The following TRAPPC9 variants were observed in gnomAD, a reference collection of about 807,000 sequenced individuals.
The protein encoded by TRAPPC9 is trafficking protein particle complex subunit 9, also known as IKK2 binding protein.
Under a neutral mutation model 124.0 loss-of-function variants are expected in TRAPPC9, and 83 were observed. That is an observed-to-expected ratio of 0.67 (90% CI 0.56 to 0.80). TRAPPC9 has a LOEUF of 0.80. TRAPPC9 is among the 30% of genes least tolerant of loss of function. The pLI is 0.00. For synonymous variants in TRAPPC9, 638 were observed against 617.5 expected, an observed-to-expected ratio of 1.03 and a Z score of -0.49; for missense variants, 1,302 against 1,508.3, an observed-to-expected ratio of 0.86 and a Z score of 2.27.
chr8:140,242,932 C>A (rs1172679908), intron 16 of TRAPPC9, among the ~76,000 whole-genome samples: 2 of 151,988 alleles, frequency 1.3e-5, no homozygotes, highest in African/African-American at 2.4e-5. Context: ...CGGAAAAGTA[C>A]AAGAAGGATG....
intron 9 of TRAPPC9, among the ~76,000 whole-genome samples, chr8:140,317,198 C>G (rs1355667761): frequency 2.0e-5 from 3 of 152,098 alleles, no homozygotes; most frequent in Non-Finnish European, 2.9e-5. Context: ...TTTCTCATCT[C>G]TATTTCATTT....
chr8:140,434,948 C>A (rs554118141), intron 4 of TRAPPC9, among the ~76,000 whole-genome samples, 164 bp downstream of exon 4: 1 of 148,034 alleles, frequency 6.8e-6, no homozygotes, highest in South Asian at 2.1e-4. Context: ...CCAGCCCGGG[C>A]AACAGTGCAA....
At chr8:139,878,006 A>C (rs1288201052) in intron 21 of TRAPPC9, among the ~76,000 whole-genome samples, 1 of 152,240 alleles carries the variant, frequency 6.6e-6, no homozygotes, top group African/African-American at 2.4e-5. Flanking sequence ...CCAAGATCCC[A>C]TAAAATATTA....
intron 21 of TRAPPC9, among the ~76,000 whole-genome samples, chr8:139,777,995 G>C (rs1239221773): frequency 6.6e-6 from 1 of 151,998 alleles, no homozygotes; most frequent in African/African-American, 2.4e-5. Flanking sequence ...GGGAAGGAAG[G>C]GAGAGAGAGA....
At chr8:139,841,002 A>C (rs540473755) in intron 21 of TRAPPC9, among the ~76,000 whole-genome samples, 151 of 152,234 alleles carry the variant, frequency 9.9e-4, no homozygotes, top group African/African-American at 3.2e-3. Flanking sequence ...AGCAAGACAA[A>C]TTCACTGTCT....
chr8:140,300,336 T>G (rs1429255322), intron 11 of TRAPPC9, 133 bp downstream of exon 11: 2 of 1,153,240 alleles, frequency 1.7e-6, no homozygotes, highest in Middle Eastern at 2.1e-4. Context: ...CACATATGCA[T>G]GCGTGCACAC....
At chr8:140,301,227 A>G (rs997484833) in intron 10 of TRAPPC9, among the ~76,000 whole-genome samples, 1 of 152,188 alleles carries the variant, frequency 6.6e-6, no homozygotes, top group Non-Finnish European at 1.5e-5. Context: ...TGTATCTGTC[A>G]TCGCTTCCCA....
intron 6 of TRAPPC9, among the ~76,000 whole-genome samples, chr8:140,399,075 T>C (rs1245568413): frequency 3.9e-5 from 6 of 152,182 alleles, no homozygotes; most frequent in Admixed American, 3.9e-4. Context: ...TTCCATGTGG[T>C]GTTGAGTGTG....
chr8:140,054,090 A>G (rs1367596498), intron 17 of TRAPPC9, among the ~76,000 whole-genome samples: 3 of 152,240 alleles, frequency 2.0e-5, no homozygotes, highest in Admixed American at 6.5e-5. Context: ...CAAATACTCT[A>G]TGTTTTCACT....
At chr8:140,053,389 G>A (rs1842111419) in intron 17 of TRAPPC9, among the ~76,000 whole-genome samples, 2 of 152,214 alleles carry the variant, frequency 1.3e-5, no homozygotes, top group Non-Finnish European at 2.9e-5. Context: ...TTGTACAACT[G>A]ATTTTTAGCT....
At chr8:139,928,999 C>T (rs1013821195) in intron 19 of TRAPPC9, among the ~76,000 whole-genome samples, 1 of 151,994 alleles carries the variant, frequency 6.6e-6, no homozygotes, top group Non-Finnish European at 1.5e-5. Context: ...TGTGCGTGGG[C>T]GCGGGAGGGT....
At chr8:140,001,720 T>G (rs1838415501) in intron 18 of TRAPPC9, among the ~76,000 whole-genome samples, 2 of 152,126 alleles carry the variant, frequency 1.3e-5, no homozygotes, top group Admixed American at 6.5e-5. Context: ...ATGGACCAGT[T>G]TCTTGAAAGT....
At chr8:140,390,942 A>G (rs2132345436) in intron 7 of TRAPPC9, among the ~76,000 whole-genome samples, 1 of 152,170 alleles carries the variant, frequency 6.6e-6, no homozygotes, top group East Asian at 1.9e-4. Flanking sequence ...CATTCCTACT[A>G]CTTTCCCCCT....
At chr8:140,455,076 A>C (rs1038749006) in intron 1 of TRAPPC9, among the ~76,000 whole-genome samples, 1 of 152,188 alleles carries the variant, frequency 6.6e-6, no homozygotes, top group African/African-American at 2.4e-5. Flanking sequence ...CCAGCAATCC[A>C]AGAGATCTGA....
intron 21 of TRAPPC9, among the ~76,000 whole-genome samples, chr8:139,820,019 A>C (rs1306084385): frequency 6.6e-6 from 1 of 150,746 alleles, no homozygotes; most frequent in African/African-American, 2.4e-5. Context: ...AAAAAAAAAA[A>C]AAAAAAAAAA....
At chr8:140,386,136 C>T (rs1339197195) in intron 7 of TRAPPC9, among the ~76,000 whole-genome samples, 3 of 152,194 alleles carry the variant, frequency 2.0e-5, no homozygotes, top group Non-Finnish European at 4.4e-5. Context: ...GCTAAGAACT[C>T]TCAATAAATT....
At position 140,168,554 on chromosome 8, in the gene TRAPPC9, T is replaced by C. The variant is rs142858511; in HGVS notation, c.2556+52905A>G. On this transcript the variant is annotated intron_variant, in intron 17 of 22. Coordinates refer to ENST00000438773, the MANE Select transcript of TRAPPC9 (RefSeq NM_001160372.4). ...TTAGCCTGTTCTCAAGGCTCATGGA[T>C]GCTGAGTAACTGCTGCTAGCACGAG... is the stretch of plus-strand genomic sequence containing the variant. 3.6e-3 allele frequency among the ~76,000 whole-genome samples: 556 copies of C among 152,362 alleles called. 4 individuals carry two copies. Among genetic ancestry groups the C allele is most frequent in the African/African-American group, 0.012 (519 of 41,586 alleles).
intron 21 of TRAPPC9, among the ~76,000 whole-genome samples, chr8:139,750,609 A>G (rs1489598645): frequency 1.3e-5 from 2 of 152,050 alleles, no homozygotes; most frequent in Non-Finnish European, 2.9e-5. Flanking sequence ...GGGACCCCCA[A>G]AGCTGGCTTG....
chr8:140,218,123 G>A lies in TRAPPC9; in HGVS notation c.2556+3336C>T, dbSNP rs758690779. Among the ~76,000 whole-genome samples, 159 of 151,700 alleles carry A rather than the reference G, an allele frequency of 1.0e-3. 1 individual carries two copies. Among genetic ancestry groups the A allele is most frequent in the Non-Finnish European group, 6.9e-4 (47 of 67,988 alleles). ...AATCGCAGCTGGTCTCACAGCAAAC[G>A]GCCAGCAGAGCTGCACGACGCCACC... On this transcript the variant is annotated intron_variant, in intron 17 of 22. Coordinates refer to ENST00000438773, the MANE Select transcript of TRAPPC9 (RefSeq NM_001160372.4).
Sources: allele counts gnomAD v4.1 joint callset (sites outside exome capture counted in the v4.1 genomes callset), GRCh38; gene constraint gnomAD v4.1.1; transcripts MANE v1.5; gene names NCBI Gene and HGNC (gene_info 2026-07-23, HGNC 2026-07-21).